The following ZNF551 variants were observed in gnomAD, a reference collection of about 807,000 sequenced individuals.
The protein encoded by ZNF551 is zinc finger protein 551.
ZNF551 carries 5 observed loss-of-function variants against 7.9 expected under a neutral mutation model. The observed-to-expected ratio is 0.63, with a 90% CI of 0.33 to 1.33. ZNF551 has a LOEUF of 1.33. Ranked by LOEUF, ZNF551 falls within the 40% of genes most tolerant of loss-of-function variation. The probability of loss-of-function intolerance (pLI) is 0.05; values close to 1 mark genes in which losing one functional copy is unlikely to be tolerated. For synonymous variants in ZNF551, 287 were observed against 277.3 expected (o/e 1.03, Z -0.35); for missense variants, 788 against 825.2 (o/e 0.95, Z 0.55).
At position 57,682,120 on chromosome 19, in the gene ZNF551, C is replaced by T. The variant is rs531782402; in HGVS notation, c.-44C>T. 8 of 1,530,326 alleles carry T rather than the reference C, an allele frequency of 5.2e-6. No homozygotes were observed. The South Asian group carries it at 9.6e-5, about 18-fold the overall frequency. The allele number at this position is 1,530,326 out of a possible 1,614,324, so 94.8% of individuals were successfully genotyped here. ...GGCCAGAGGTTCTGCGACACCACCT[C>T]GGGTGAGCTGCGCCAGGCCCGGGAT... On this transcript the variant is annotated 5_prime_UTR_variant, in exon 1 of 3. Coordinates refer to ENST00000282296, the MANE Select transcript of ZNF551 (RefSeq NM_138347.5).
rs1427489189 is a variant in ZNF551, at chr19:57,687,634, G to C, written c.1359G>C (p.Gly453=). ...GACCTTATGAATGCAGAGAATGTGG[G>C]AAATCCTTTAGACAATTCTCTAACC... ...GERPYECREC[G]KSFRQFSNLI... is the part of the protein sequence containing the mutation. Residue 453 remains glycine, a synonymous_variant, in exon 3 of 3, where the codon GGG becomes GGC. Coordinates refer to ENST00000282296, the MANE Select transcript of ZNF551 (RefSeq NM_138347.5). 1 of 1,614,092 alleles carries C rather than the reference G, an allele frequency of 6.2e-7. No homozygotes were observed. The highest frequency in any genetic ancestry group is 8.5e-7 in the Non-Finnish European group (1 of 1,180,020).
chr19:57,687,099 G>T lies in ZNF551; in HGVS notation c.824G>T (p.Gly275Val). The T allele has an allele frequency of 6.2e-7, 1 of 1,614,200 alleles. No individual in the cohort carries two copies. Among genetic ancestry groups the T allele is most frequent in the Non-Finnish European group, 8.5e-7 (1 of 1,180,040 alleles). Residue 275 changes from glycine to valine, a missense_variant, in exon 3 of 3, where the codon GGA becomes GTA. By Grantham distance (109) the Gly-to-Val change is moderately radical (BLOSUM62 -3). Coordinates refer to ENST00000282296, the MANE Select transcript of ZNF551 (RefSeq NM_138347.5). ...TLVQHQQIHT[G>V]QKMFECSECE... Reference sequence around the variant, plus strand: ...GTTCAGCACCAGCAAATTCACACTGGACAAAAGATGTTTGAGTGTAGTGAA... The same window carrying T: ...GTTCAGCACCAGCAAATTCACACTGTACAAAAGATGTTTGAGTGTAGTGAA...
Position 57,687,734 on chromosome 19 carries a change from A to T in ZNF551, c.1459A>T (p.Lys487Ter), listed in dbSNP as rs199582159. The stretch of plus-strand genomic sequence containing the variant: ...TGAATGTGAGAAATCCTTTAGCCGC[A>T]AATTTATCCTGATTCAACACCAAAG... The part of the protein sequence containing the change: ...CSECEKSFSR[K>*]FILIQHQRVH... The change falls in exon 3 of 3, where the codon AAA (lysine) becomes TAA (stop). Residue 487 changes from lysine (K) to a stop codon, truncating the protein, a stop_gained. Coordinates refer to ENST00000282296, the MANE Select transcript of ZNF551 (RefSeq NM_138347.5). LOFTEE classifies it low-confidence loss of function (END_TRUNC). 18 of 1,613,972 alleles carry T rather than the reference A, an allele frequency of 1.1e-5. No homozygotes were observed. Among genetic ancestry groups the T allele is most frequent in the Non-Finnish European group, 1.5e-5 (18 of 1,180,002 alleles).
chr19:57,687,297 G>C lies in ZNF551; in HGVS notation c.1022G>C (p.Arg341Thr). The C allele has an allele frequency of 6.2e-7, 1 of 1,614,134 alleles. No homozygotes were observed. The highest frequency in any genetic ancestry group is 8.5e-7 in the Non-Finnish European group (1 of 1,180,024). ...GGVRHECGEC[R>T]KTFSYKSNLI... Reference sequence around the variant, plus strand: ...GTGCGTCATGAGTGTGGTGAATGTAGGAAAACCTTTAGCTACAAATCTAAC... The same window carrying C: ...GTGCGTCATGAGTGTGGTGAATGTACGAAAACCTTTAGCTACAAATCTAAC... Residue 341 changes from arginine to threonine, a missense_variant, in exon 3 of 3, where the codon AGG becomes ACG. Coordinates refer to ENST00000282296, the MANE Select transcript of ZNF551 (RefSeq NM_138347.5).
At chr19:57,682,287 G>T in intron 1 of ZNF551, 43 bp downstream of exon 1, 2 of 1,540,896 alleles carry the variant, frequency 1.3e-6, no homozygotes. Flanking sequence ...TCCCCCAGCA[G>T]AAGCCTTAAG....
chr19:57,683,085 C>T (rs908463853), intron 1 of ZNF551, among the ~76,000 whole-genome samples: 1 of 152,094 alleles, frequency 6.6e-6, no homozygotes, highest in African/African-American at 2.4e-5. Context: ...TTAATAGTAA[C>T]AGTGGGAGGT....
Position 57,690,167 on chromosome 19 carries a change from A to T in ZNF551, c.*1879A>T, listed in dbSNP as rs527445384. ...TGAAGGTCTAATTTGTATAACTGAC[A>T]TGCAACAAAGTACACGTATCCAAAG... On this transcript the variant is annotated 3_prime_UTR_variant, in exon 3 of 3. Coordinates refer to ENST00000282296, the MANE Select transcript of ZNF551 (RefSeq NM_138347.5). 4 of 152,338 alleles carry T rather than the reference A, an allele frequency of 2.6e-5. No individual in the cohort carries two copies. The highest frequency in any genetic ancestry group is 9.6e-5 in the African/African-American group (4 of 41,576). 9.4% of individuals were successfully genotyped at this position (152,338 alleles called of 1,614,324 possible). A position where few individuals can be genotyped will look rare whatever the true frequency, so the allele number is the denominator to read the frequency against.
In ZNF551 at chr19:57,687,205, T is replaced by C. The variant is rs1179728077; in HGVS notation, c.930T>C (p.Ser310=). ...IHTGERPYEC[S]DREKAFIHKS... is the part of the protein sequence containing the mutation. ...CTGGAGAAAGGCCTTATGAATGCAG[T>C]GATCGTGAGAAAGCCTTTATCCATA... Residue 310 remains serine, a synonymous_variant, in exon 3 of 3, where the codon AGT becomes AGC. Coordinates refer to ENST00000282296, the MANE Select transcript of ZNF551 (RefSeq NM_138347.5). 5 of 1,614,090 alleles carry C rather than the reference T, an allele frequency of 3.1e-6. No individual in the cohort carries two copies. In the African/African-American group the frequency reaches 6.7e-5, roughly 22 times the overall value.
chr19:57,687,194 T>C lies in ZNF551; in HGVS notation c.919T>C (p.Tyr307His). ...HKIIHTGERP[Y>H]ECSDREKAFI... ...GATAATTCACACTGGAGAAAGGCCT[T>C]ATGAATGCAGTGATCGTGAGAAAGC... is the stretch of plus-strand genomic sequence containing the variant. The change falls in exon 3 of 3, where the codon TAT (tyrosine) becomes CAT (histidine). Residue 307 changes from tyrosine to histidine, a missense_variant. Tyr to His is a moderately conservative substitution (Grantham distance 83). Coordinates refer to ENST00000282296, the MANE Select transcript of ZNF551 (RefSeq NM_138347.5). 2 of 1,614,224 alleles carry C rather than the reference T, an allele frequency of 1.2e-6. No individual in the cohort carries two copies. Among genetic ancestry groups the C allele is most frequent in the African/African-American group, 1.3e-5 (1 of 75,054 alleles).
chr19:57,687,539 A>G lies in ZNF551; in HGVS notation c.1264A>G (p.Ser422Gly). The change falls in exon 3 of 3, where the codon AGT becomes GGT. Residue 422 changes from serine to glycine, a missense_variant. Coordinates refer to ENST00000282296, the MANE Select transcript of ZNF551 (RefSeq NM_138347.5). ...CACTGGAGAAATGCCTTATCAGTGC[A>G]GTGATTGTGGGAAATCTTTTAGCTG... ...VHTGEMPYQC[S>G]DCGKSFSCKS... The G allele has an allele frequency of 6.2e-7, 1 of 1,614,246 alleles. No individual in the cohort carries two copies. The highest frequency in any genetic ancestry group is 8.5e-7 in the Non-Finnish European group (1 of 1,180,030).
rs776684363 is a variant in ZNF551 at position 57,687,768 on chromosome 19, C to G, written c.1493C>G (p.Thr498Ser). The change falls in exon 3 of 3, where the codon ACT (threonine) becomes AGT (serine). Residue 498 changes from threonine (T) to serine (S), a missense_variant. By Grantham distance (58) the Thr-to-Ser change is moderately conservative. Transcript: ENST00000282296. ...FILIQHQRVH[T>S]GERPYECSEC... The stretch of plus-strand genomic sequence containing the variant: ...CTGATTCAACACCAAAGAGTTCACA[C>G]TGGAGAAAGACCTTATGAATGCAGT... 3.1e-6 allele frequency: 5 copies of G among 1,614,192 alleles called. No homozygotes were observed. Among genetic ancestry groups the G allele is most frequent in the Non-Finnish European group, 4.2e-6 (5 of 1,180,032 alleles).
In ZNF551 at chr19:57,686,607, C is replaced by A; in HGVS notation, c.332C>A (p.Pro111Gln). 6.2e-7 allele frequency: 1 copy of A among 1,614,248 alleles called. No individual in the cohort carries two copies. The highest frequency in any genetic ancestry group is 8.5e-7 in the Non-Finnish European group (1 of 1,180,046). The change falls in exon 3 of 3, where the codon CCA (proline) becomes CAA (glutamine). Residue 111 changes from proline to glutamine, a missense_variant. By Grantham distance (76) the Pro-to-Gln change is moderately conservative (BLOSUM62 -1). Coordinates refer to ENST00000282296, the MANE Select transcript of ZNF551 (RefSeq NM_138347.5). ...THLSEIKMCV[P>Q]VLKDILPAAE... ...CTCAGTGAGATTAAGATGTGTGTCC[C>A]AGTCTTGAAAGACATTTTGCCTGCG... is the stretch of plus-strand genomic sequence containing the variant.
chr19:57,688,437 T>G lies in ZNF551; in HGVS notation c.*149T>G, dbSNP rs1984660678. 1 of 1,117,950 alleles carries G rather than the reference T, an allele frequency of 8.9e-7. No homozygotes were observed. Among genetic ancestry groups the G allele is most frequent in the Non-Finnish European group, 1.2e-6 (1 of 801,300 alleles). The allele number at this position is 1,117,950 out of a possible 1,614,324, so 69.3% of individuals were successfully genotyped here. On this transcript the variant is annotated 3_prime_UTR_variant, in exon 3 of 3. Coordinates refer to ENST00000282296, the MANE Select transcript of ZNF551 (RefSeq NM_138347.5). ...TGTGGGAAGCTCTGAGGAGGTTCAT[T>G]GTAATTTCTAATCTGCCGAGGCCTA...
Position 57,682,194 on chromosome 19 carries a change from C to G in ZNF551, c.31C>G (p.Pro11Ala). The G allele has an allele frequency of 6.5e-7, 1 of 1,550,180 alleles. No homozygotes were observed. The highest frequency in any genetic ancestry group is 8.7e-7 in the Non-Finnish European group (1 of 1,146,894). Residue 11 changes from proline (P) to alanine (A), a missense_variant, in exon 1 of 3, where the codon CCT (proline) becomes GCT (alanine). Physicochemically the swap from Pro to Ala is conservative, Grantham distance 27. Coordinates refer to ENST00000282296, the MANE Select transcript of ZNF551 (RefSeq NM_138347.5). ...CGCCCCGGTCGGCCGCCGCTCCCCG[C>G]CTAGTCCACGGAGCTCAATGGCGGC... MPAPVGRRSP[P>A]SPRSSMAAVA...
rs761585078 is a variant in ZNF551, at chr19:57,689,288, C to A, written c.*1000C>A. The A allele has an allele frequency of 6.6e-6, 1 of 152,050 alleles. No individual in the cohort carries two copies. Among genetic ancestry groups the A allele is most frequent in the Non-Finnish European group, 1.5e-5 (1 of 68,000 alleles). 9.4% of individuals were successfully genotyped at this position (152,050 alleles called of 1,614,324 possible). A position where few individuals can be genotyped will look rare whatever the true frequency, so the allele number is the denominator to read the frequency against. On this transcript the variant is annotated 3_prime_UTR_variant, in exon 3 of 3. Transcript: ENST00000282296. ...GCCATGGCATATAAGTCAGTGTAGA[C>A]TGGTGCCATTTGTTGTCAGACTATA...
chr19:57,682,265 G>C (rs1260218009), intron 1 of ZNF551, 21 bp downstream of exon 1: 6 of 1,548,614 alleles, frequency 3.9e-6, no homozygotes, highest in African/African-American at 1.4e-5. Context: ...CGTCCTCCGG[G>C]TCTCGCCTAC....
Position 57,687,051 on chromosome 19 carries a change from C to A in ZNF551, c.776C>A (p.Ala259Asp). The A allele has an allele frequency of 6.2e-7, 1 of 1,614,202 alleles. No homozygotes were observed. ...GLYECSKCEK[A>D]FTCKNTLVQH... ...TATGAGTGTAGCAAATGTGAGAAAG[C>A]CTTCACTTGCAAGAACACACTTGTT... The change falls in exon 3 of 3, where the codon GCC (alanine) becomes GAC (aspartate). Residue 259 changes from alanine to aspartate, a missense_variant. Physicochemically the swap from Ala to Asp is moderately radical, Grantham distance 126. Transcript: ENST00000282296.
rs1206206134 is a variant in ZNF551 at position 57,685,243 on chromosome 19, A to G, written c.82-19A>G. On this transcript the variant is annotated intron_variant, in intron 1 of 2. Coordinates refer to ENST00000282296, the MANE Select transcript of ZNF551 (RefSeq NM_138347.5). ...AACTCCGGGTCTGATCGTGGATTGA[A>G]CTATTCCTGCTGTGACAGGGTATGA... The G allele has an allele frequency of 6.2e-7, 1 of 1,613,078 alleles. No homozygotes were observed. The highest frequency in any genetic ancestry group is 8.5e-7 in the Non-Finnish European group (1 of 1,179,548).
rs772825688 is a variant in ZNF551, at chr19:57,688,155, A to G, written c.1880A>G (p.Lys627Arg). Residue 627 changes from lysine to arginine, a missense_variant, in exon 3 of 3, where the codon AAA (lysine) becomes AGA (arginine). Transcript: ENST00000282296. ...CAATGTGGGAAACCCTTTACCCACAAATCAGACCTTATTCAGCACCAAAGA... is the reference window on the plus strand; with the variant it reads ...CAATGTGGGAAACCCTTTACCCACAGATCAGACCTTATTCAGCACCAAAGA... ...CSQCGKPFTH[K>R]SDLIQHQRVH... The G allele has an allele frequency of 5.0e-6, 8 of 1,613,384 alleles. No homozygotes were observed. Among genetic ancestry groups the G allele is most frequent in the Non-Finnish European group, 6.8e-6 (8 of 1,179,872 alleles).
Sources: gnomAD v4.1 joint callset for allele counts (sites outside exome capture counted in the v4.1 genomes callset) on GRCh38, gnomAD v4.1.1 for gene constraint, MANE v1.5 for transcripts, NCBI Gene and HGNC (gene_info 2026-07-23, HGNC 2026-07-21) for gene names.